The following RGS6 variants were observed in gnomAD, a reference collection of about 807,000 sequenced individuals.
RGS6 encodes regulator of G protein signaling 6.
RGS6 carries 30 observed loss-of-function variants against 78.5 expected under a neutral mutation model. That is an observed-to-expected ratio of 0.38 (90% CI 0.29 to 0.52). The LOEUF (loss-of-function observed/expected upper bound fraction) is 0.52, where lower values mean the gene tolerates loss of function less well. Ranked by LOEUF, RGS6 falls within the 20% of genes least tolerant of loss-of-function variation. The pLI is 0.85. For synonymous variants in RGS6, 206 were observed against 206.0 expected (o/e 1.00, Z 0.00); for missense variants, 495 against 609.7 (o/e 0.81, Z 1.98).
At chr14:72,446,766 C>CAGA (rs1230098665) in intron 3 of RGS6, among the ~76,000 whole-genome samples, 4 of 152,134 alleles carry the variant, frequency 2.6e-5, no homozygotes, top group Non-Finnish European at 5.9e-5. Context: ...GAGACAGGAA[C>CAGA]AGAACATCAG....
intron 2 of RGS6, among the ~76,000 whole-genome samples, chr14:72,013,274 A>G (rs1377971549): frequency 7.5e-5 from 7 of 93,332 alleles, no homozygotes; most frequent in Admixed American, 2.3e-4. Context: ...CCGTCTCCAA[A>G]AAAAAAAAAA....
chr14:72,092,951 T>C (rs8008916), intron 2 of RGS6, among the ~76,000 whole-genome samples: 132,239 of 152,028 alleles, frequency 0.87, 57,857 homozygotes, highest in Admixed American at 0.93. Flanking sequence ...ATATTACTTA[T>C]AGTTGTTGGG....
Position 72,300,280 on chromosome 14 carries a change from C to A in RGS6, c.85-51815C>A, listed in dbSNP as rs146385780. On this transcript the variant is annotated intron_variant, in intron 2 of 17. Coordinates refer to ENST00000553525, the MANE Select transcript of RGS6 (RefSeq NM_001204424.2). ...TAAAACTGGAATAGGTTACACTATA[C>A]CCAATTTATAGATAAAAAAATGAAA... Among the ~76,000 whole-genome samples, 93 of 151,942 alleles carry A rather than the reference C, an allele frequency of 6.1e-4. 2 individuals carry two copies. The East Asian group carries it at 0.018, about 29-fold the overall frequency.
At chr14:72,417,194 G>T (rs747962023) in intron 3 of RGS6, among the ~76,000 whole-genome samples, 1 of 152,178 alleles carries the variant, frequency 6.6e-6, no homozygotes, top group Non-Finnish European at 1.5e-5. Context: ...TGTGTGAAAA[G>T]CACTCAGCTA....
rs184969006 is a variant in RGS6 at position 72,174,425 on chromosome 14, G to A, written c.85-177670G>A. ...CACATCTGATGCTGAACCAAAGGCAGCTCTTGGGAGGTGGCTCTGAGCCTC... is the reference window on the plus strand; with the variant it reads ...CACATCTGATGCTGAACCAAAGGCAACTCTTGGGAGGTGGCTCTGAGCCTC... On this transcript the variant is annotated intron_variant, in intron 2 of 17. Transcript: ENST00000553525. Among the ~76,000 whole-genome samples the A allele has an allele frequency of 2.0e-4, 30 of 152,336 alleles. No individual in the cohort carries two copies. In the East Asian group the frequency reaches 5.8e-3, roughly 29 times the overall value.
intron 2 of RGS6, among the ~76,000 whole-genome samples, chr14:71,966,085 C>T (rs1200456666): frequency 6.6e-6 from 1 of 151,928 alleles, no homozygotes; most frequent in Non-Finnish European, 1.5e-5. Flanking sequence ...TATTGTACAC[C>T]TTTTTGATGT....
chr14:72,354,019 A>C (rs1417822249), intron 3 of RGS6, among the ~76,000 whole-genome samples: 1 of 146,436 alleles, frequency 6.8e-6, no homozygotes, highest in Non-Finnish European at 1.5e-5. Flanking sequence ...TTCATGGAAC[A>C]GCACACACAC....
intron 2 of RGS6, among the ~76,000 whole-genome samples, chr14:71,989,084 C>CT (rs1167672429): frequency 6.6e-6 from 1 of 152,218 alleles, no homozygotes; most frequent in Admixed American, 6.5e-5. Flanking sequence ...GATGCAATGT[C>CT]CAAATGGCTG....
intron 2 of RGS6, among the ~76,000 whole-genome samples, chr14:72,346,323 C>T (rs573453391): frequency 2.6e-5 from 4 of 152,224 alleles, no homozygotes; most frequent in South Asian, 2.1e-4. Context: ...TGCCCTTTGT[C>T]GTTTCTGTTA....
At chr14:71,867,473 C>T in the RGS6 span, among the ~76,000 whole-genome samples, 13 of 151,964 alleles carry the variant, frequency 8.6e-5, no homozygotes, top group East Asian at 1.9e-4. Flanking sequence ...TGTGAGGGGG[C>T]GAAATGGTTT....
At chr14:72,264,570 C>T (rs757170076) in intron 2 of RGS6, among the ~76,000 whole-genome samples, 15 of 152,204 alleles carry the variant, frequency 9.9e-5, no homozygotes, top group Non-Finnish European at 1.9e-4. Flanking sequence ...GTTTGCAACT[C>T]TCTATTTGTA....
the RGS6 span, among the ~76,000 whole-genome samples, chr14:71,869,726 C>T: frequency 6.6e-6 from 1 of 152,068 alleles, no homozygotes; most frequent in Non-Finnish European, 1.5e-5. Flanking sequence ...ATATAGTTGC[C>T]ATGGTTTGAA....
At chr14:72,298,152 T>C (rs1425035517) in intron 2 of RGS6, among the ~76,000 whole-genome samples, 1 of 152,002 alleles carries the variant, frequency 6.6e-6, no homozygotes, top group Admixed American at 6.6e-5. Flanking sequence ...GTGAGGGAAG[T>C]TTTTTCTTTC....
chr14:72,431,184 C>G (rs1236980148), intron 3 of RGS6, among the ~76,000 whole-genome samples: 1 of 152,124 alleles, frequency 6.6e-6, no homozygotes, highest in Non-Finnish European at 1.5e-5. Context: ...TTAGGTGGAC[C>G]AGATGCCTGC....
chr14:72,104,054 T>C (rs543462011), intron 2 of RGS6, among the ~76,000 whole-genome samples: 1 of 152,336 alleles, frequency 6.6e-6, no homozygotes, highest in Non-Finnish European at 1.5e-5. Flanking sequence ...CAGGAGCTTA[T>C]TGAACGTCCT....
At chr14:72,245,745 C>G (rs944881855) in intron 2 of RGS6, among the ~76,000 whole-genome samples, 1 of 152,136 alleles carries the variant, frequency 6.6e-6, no homozygotes, top group Non-Finnish European at 1.5e-5. Flanking sequence ...GGGGCTTGCT[C>G]CCAACAGACT....
Position 72,565,916 on chromosome 14 carries a change from A to T in RGS6, c.*3449A>T, listed in dbSNP as rs892148326. ...TCTTCCTTTGGGCCCTGCAGAATGT[A>T]TTGGAGGGAGGTGTTGCTGCAAGGT... On this transcript the variant is annotated 3_prime_UTR_variant, in exon 18 of 18. Transcript: ENST00000553525. The T allele has an allele frequency of 1.3e-5, 2 of 152,118 alleles. No individual in the cohort carries two copies. The highest frequency in any genetic ancestry group is 2.9e-5 in the Non-Finnish European group (2 of 68,020). 9.4% of individuals were successfully genotyped at this position (152,118 alleles called of 1,614,324 possible).
At chr14:72,419,469 G>C (rs2094038877) in intron 3 of RGS6, among the ~76,000 whole-genome samples, 1 of 152,196 alleles carries the variant, frequency 6.6e-6, no homozygotes, top group African/African-American at 2.4e-5. Flanking sequence ...TGAATTGTAG[G>C]AGAGAGACAG....
the RGS6 span, among the ~76,000 whole-genome samples, chr14:72,606,064 C>T: frequency 1.3e-5 from 2 of 151,948 alleles, no homozygotes; most frequent in Non-Finnish European, 2.9e-5. Context: ...CAAATCACTC[C>T]CAGAATCCTA....
Sources: allele counts gnomAD v4.1 joint callset (sites outside exome capture counted in the v4.1 genomes callset), GRCh38; gene constraint gnomAD v4.1.1; transcripts MANE v1.5; gene names NCBI Gene and HGNC (gene_info 2026-07-23, HGNC 2026-07-21).